The following UBAC2 variants were observed in gnomAD, a reference collection of about 807,000 sequenced individuals.
The protein encoded by UBAC2 is UBA domain containing 2.
A neutral mutation model predicts 44.0 loss-of-function variants in UBAC2; 26 were observed. The ratio of observed to expected loss-of-function variants is 0.59; its 90% confidence interval spans 0.43 to 0.82. The LOEUF (loss-of-function observed/expected upper bound fraction) is 0.82. UBAC2 is among the 40% of genes least tolerant of loss of function. UBAC2 has a pLI of 0.00. For synonymous variants in UBAC2, 155 were observed against 154.3 expected, an observed-to-expected ratio of 1.00 and a Z score of -0.04; for missense variants, 329 against 419.4, an observed-to-expected ratio of 0.78 and a Z score of 1.88.
In UBAC2 at chr13:99,333,129, T is replaced by G. The variant is rs1184874884; in HGVS notation, c.562-7191T>G. On this transcript the variant is annotated intron_variant, in intron 6 of 8. Transcript: ENST00000403766. Reference sequence around the variant, plus strand: ...GAAGAAAGAGAGAGATAATGAAAATTAAAATTAAAAATAATGTGTGAATGT... The same window carrying G: ...GAAGAAAGAGAGAGATAATGAAAATGAAAATTAAAAATAATGTGTGAATGT... Among the ~76,000 whole-genome samples the G allele has an allele frequency of 2.6e-5, 4 of 152,140 alleles. No homozygotes were observed. The South Asian group carries it at 6.2e-4, about 24-fold the overall frequency.
intron 1 of UBAC2, among the ~76,000 whole-genome samples, chr13:99,211,091 C>A (rs2042932767): frequency 6.6e-6 from 1 of 152,182 alleles, no homozygotes; most frequent in Non-Finnish European, 1.5e-5. Context: ...AAATTCCAAT[C>A]CCAAAGGGTA....
At chr13:99,296,283 C>CT in intron 4 of UBAC2, 1 of 691,320 alleles carries the variant, frequency 1.4e-6, no homozygotes, top group East Asian at 3.1e-5. Context: ...TTTTATATAT[C>CT]TAAGTTTTAA....
intron 6 of UBAC2, among the ~76,000 whole-genome samples, chr13:99,322,246 T>A (rs1299670198): frequency 6.6e-6 from 1 of 152,234 alleles, no homozygotes; most frequent in Non-Finnish European, 1.5e-5. Flanking sequence ...TTCTTACACA[T>A]TAATACTTTT....
Position 99,215,532 on chromosome 13 carries a change from T to A in UBAC2, c.31+14593T>A, listed in dbSNP as rs141052734. The stretch of plus-strand genomic sequence containing the variant: ...GGGTAATATACACTTTACCTTTAAG[T>A]CTTTTGATGCATTTCCTGCCAGTTC... On this transcript the variant is annotated intron_variant, in intron 1 of 8. Transcript: ENST00000403766. 8.6e-5 allele frequency: 127 copies of A among 1,471,180 alleles called. No individual in the cohort carries two copies. In the African/African-American group the frequency reaches 1.6e-3, roughly 18 times the overall value. 91.1% of individuals were successfully genotyped at this position (1,471,180 alleles called of 1,614,324 possible). A position where few individuals can be genotyped will look rare whatever the true frequency, so the allele number is the denominator to read the frequency against.
At chr13:99,205,121 C>G (rs1173816768) in intron 1 of UBAC2, among the ~76,000 whole-genome samples, 1 of 152,182 alleles carries the variant, frequency 6.6e-6, no homozygotes, top group Non-Finnish European at 1.5e-5. Flanking sequence ...CCAGGTTGGT[C>G]TTGATCTCCT....
At chr13:99,215,096 T>G (rs1294899445) in intron 1 of UBAC2, among the ~76,000 whole-genome samples, 1 of 152,190 alleles carries the variant, frequency 6.6e-6, no homozygotes, top group Non-Finnish European at 1.5e-5. Context: ...GCATTACAAT[T>G]AAAATCCAAA....
At chr13:99,325,128 A>G (rs1180412514) in intron 6 of UBAC2, among the ~76,000 whole-genome samples, 8 of 107,836 alleles carry the variant, frequency 7.4e-5, no homozygotes, top group South Asian at 2.9e-4. Flanking sequence ...TTTGATACGG[A>G]GTCTCTCACT....
Position 99,221,787 on chromosome 13 carries a change from A to C in UBAC2, c.32-16640A>C, listed in dbSNP as rs562107944. ...CATCTGTCACTCATGGTGATCGCCT[A>C]CTTGACAGTGCCCTTCTTTGGACTC... On this transcript the variant is annotated intron_variant, in intron 1 of 8. Transcript: ENST00000403766. 1.1e-4 allele frequency among the ~76,000 whole-genome samples: 17 copies of C among 152,258 alleles called. No homozygotes were observed. The South Asian group carries it at 3.3e-3, about 30-fold the overall frequency.
At chr13:99,367,975 C>A in intron 8 of UBAC2, 69 bp downstream of exon 8, 1 of 1,562,700 alleles carries the variant, frequency 6.4e-7, no homozygotes. Flanking sequence ...TTTCGATCAA[C>A]AGGACTCAAA....
rs374683969 is a variant in UBAC2 at position 99,237,271 on chromosome 13, T to TATACACACACAC, written c.32-1155_32-1154insTACACACACACA. On this transcript the variant is annotated intron_variant, in intron 1 of 8. Coordinates refer to ENST00000403766, the MANE Select transcript of UBAC2 (RefSeq NM_001144072.2). ...TTTTATGCGTATATATATATATATA[T>TATACACACACAC]ACACACACACACACACACACACACA... Among the ~76,000 whole-genome samples, 1,301 of 144,970 alleles carry TATACACACACAC rather than the reference T, an allele frequency of 9.0e-3. 36 individuals carry two copies. The highest frequency in any genetic ancestry group is 0.06 in the Admixed American group (870 of 14,382).
chr13:99,372,615 C>A (rs578042090), intron 8 of UBAC2: 1 of 152,342 alleles, frequency 6.6e-6, no homozygotes, highest in Admixed American at 6.5e-5. Context: ...GTGGCGTCAC[C>A]GGCTCTGAGT....
intron 6 of UBAC2, among the ~76,000 whole-genome samples, chr13:99,336,573 C>T (rs2044791241): frequency 6.6e-6 from 1 of 152,090 alleles, no homozygotes; most frequent in African/African-American, 2.4e-5. Context: ...TCCCAATTTA[C>T]CCATGTCTGC....
At chr13:99,376,968 A>G (rs2045488400) in intron 8 of UBAC2, 1 of 152,322 alleles carries the variant, frequency 6.6e-6, no homozygotes. Flanking sequence ...AAGTTGCAGT[A>G]TGCAGCGCCG....
intron 7 of UBAC2, among the ~76,000 whole-genome samples, chr13:99,359,912 G>T (rs972375908): frequency 6.6e-6 from 1 of 152,202 alleles, no homozygotes; most frequent in Non-Finnish European, 1.5e-5. Flanking sequence ...AGGTGCCCCT[G>T]CTGTGTGCTT....
intron 4 of UBAC2, among the ~76,000 whole-genome samples, chr13:99,302,324 G>T (rs2044268062): frequency 6.6e-6 from 1 of 152,196 alleles, no homozygotes; most frequent in Non-Finnish European, 1.5e-5. Context: ...GGAGGGGGAA[G>T]ATGAAAGCTC....
chr13:99,368,686 AGAGTGT>A (rs1191221763), intron 8 of UBAC2, among the ~76,000 whole-genome samples: 15 of 82,596 alleles, frequency 1.8e-4, no homozygotes, highest in Non-Finnish European at 3.6e-4. Context: ...AACTCATGAG[AGAGTGT>A]GTGTGTGTGT....
At chr13:99,224,589 A>G (rs1033937722) in intron 1 of UBAC2, among the ~76,000 whole-genome samples, 2 of 152,208 alleles carry the variant, frequency 1.3e-5, no homozygotes, top group African/African-American at 4.8e-5. Flanking sequence ...TGTTTTAATT[A>G]TGAAAAATTT....
chr13:99,200,919 G>T lies in UBAC2; in HGVS notation c.11G>T (p.Ser4Ile). The change falls in exon 1 of 9, where the codon AGC becomes ATC. Residue 4 changes from serine (S) to isoleucine (I), a missense_variant. Physicochemically the swap from Ser to Ile is moderately radical, Grantham distance 142. Transcript: ENST00000403766. MFT[S>I]TGSSGLYKAP... ...GAGCCCGGCGGGACCATGTTCACCA[G>T]CACCGGCTCCAGTGGGCTCTGTGAG... is the stretch of plus-strand genomic sequence containing the variant. The T allele has an allele frequency of 7.7e-7, 1 of 1,307,072 alleles. No homozygotes were observed. Among genetic ancestry groups the T allele is most frequent in the African/African-American group, 1.5e-5 (1 of 66,236 alleles). The allele number at this position is 1,307,072 out of a possible 1,614,324, so 81.0% of individuals were successfully genotyped here.
intron 4 of UBAC2, chr13:99,255,150 C>T (rs1224640114): frequency 3.1e-6 from 5 of 1,614,116 alleles, no homozygotes; most frequent in Non-Finnish European, 4.2e-6. Flanking sequence ...AGCAGACGAG[C>T]ACCTGCACCA....
Sources: gnomAD v4.1 joint callset for allele counts (sites outside exome capture counted in the v4.1 genomes callset) on GRCh38, gnomAD v4.1.1 for gene constraint, MANE v1.5 for transcripts, NCBI Gene and HGNC (gene_info 2026-07-23, HGNC 2026-07-21) for gene names.